PLCE1: variants seen among roughly 807,000 people sequenced by gnomAD.
The protein encoded by PLCE1 is phospholipase C epsilon 1.
PLCE1 carries 119 observed loss-of-function variants against 242.8 expected under a neutral mutation model. The ratio of observed to expected loss-of-function variants is 0.49; its 90% CI spans 0.42 to 0.57. PLCE1 has a LOEUF of 0.57. Among genes scored for constraint, PLCE1 ranks in the 20% least tolerant of loss-of-function variants. PLCE1 has a pLI of 0.00. For synonymous variants in PLCE1, 945 were observed against 1,017.4 expected (o/e 0.93, Z 1.35); for missense variants, 2,441 against 2,788.8 (o/e 0.88, Z 2.81).
At chr10:94,272,359 C>T (rs1011827168) in intron 18 of PLCE1, among the ~76,000 whole-genome samples, 28 of 152,204 alleles carry the variant, frequency 1.8e-4, no homozygotes, top group African/African-American at 4.8e-4. Flanking sequence ...AGGCTCTCTG[C>T]AACAAGAAAA....
At position 94,316,724 on chromosome 10, in the gene PLCE1, A is replaced by T; in HGVS notation, c.6310A>T (p.Met2104Leu). Residue 2104 changes from methionine (M) to leucine (L), a missense_variant, in exon 29 of 33, where the codon ATG (methionine) becomes TTG (leucine). This residue lies in a region of PLCE1 where 310 missense variants were observed against 317.2 expected (regional missense o/e 0.98). Transcript: ENST00000371380. ...CAGCTGGTTTCCAGAAGAGGGATAC[A>T]TGGGCAGGATTGTCTTAAAAACCCA... ...LSSWFPEEGY[M>L]GRIVLKTQQE... 6.2e-7 allele frequency: 1 copy of T among 1,614,016 alleles called. No individual in the cohort carries two copies. Among genetic ancestry groups the T allele is most frequent in the Non-Finnish European group, 8.5e-7 (1 of 1,179,894 alleles).
At chr10:94,315,145 T>A (rs1336304659) in intron 28 of PLCE1, 1 of 299,222 alleles carries the variant, frequency 3.3e-6, no homozygotes, top group Non-Finnish European at 6.6e-6. Flanking sequence ...CTATAGTATT[T>A]GCCTTGGCCC....
intron 3 of PLCE1, among the ~76,000 whole-genome samples, chr10:94,136,982 G>A (rs1316341346): frequency 6.6e-6 from 1 of 152,182 alleles, no homozygotes; most frequent in Non-Finnish European, 1.5e-5. Context: ...CATGAGGTCA[G>A]GAGATCAAGA....
At chr10:94,043,742 C>T (rs1286431256) in intron 2 of PLCE1, among the ~76,000 whole-genome samples, 2 of 152,034 alleles carry the variant, frequency 1.3e-5, no homozygotes, top group South Asian at 2.1e-4. Context: ...GGCTTCAGAC[C>T]CTGGTTGAAC....
At chr10:94,254,838 C>T in intron 10 of PLCE1, 55 bp from the exon 11 acceptor site, 1 of 1,593,256 alleles carries the variant, frequency 6.3e-7, no homozygotes, top group Non-Finnish European at 8.6e-7. Context: ...GTATTTGGTT[C>T]TGAGGGAAAG....
At chr10:94,018,743 G>A (rs977404342) in intron 1 of PLCE1, among the ~76,000 whole-genome samples, 1 of 152,118 alleles carries the variant, frequency 6.6e-6, no homozygotes, top group Non-Finnish European at 1.5e-5. Context: ...ATGATTTCCT[G>A]TAGGGAGGGA....
intron 3 of PLCE1, among the ~76,000 whole-genome samples, chr10:94,140,888 G>A (rs2046934471): frequency 6.6e-6 from 1 of 152,126 alleles, no homozygotes; most frequent in South Asian, 2.1e-4. Context: ...TGTAATATTG[G>A]GTGTGTTTCT....
In PLCE1 at chr10:94,265,692, T is replaced by A. The variant is rs752101948; in HGVS notation, c.4099T>A (p.Phe1367Ile). The change falls in exon 15 of 33, where the codon TTT (phenylalanine) becomes ATT (isoleucine). Residue 1367 changes from phenylalanine (F) to isoleucine (I), a missense_variant. By Grantham distance (21) the Phe-to-Ile change is conservative. Around this residue, in one of 5 missense-constraint regions of PLCE1, gnomAD observed 1,004 missense variants for 1,322.7 expected, o/e 0.76. Transcript: ENST00000371380. Reference sequence around the variant, plus strand: ...TATGTGTCATCAGGGACTAATGTCATTTGAAGGGTTTGCCAGGTAACTTTT... The same window carrying A: ...TATGTGTCATCAGGGACTAATGTCAATTGAAGGGTTTGCCAGGTAACTTTT... ...ISMCHQGLMS[F>I]EGFARFLMDK... 6.2e-7 allele frequency: 1 copy of A among 1,613,968 alleles called. No homozygotes were observed. Among genetic ancestry groups the A allele is most frequent in the South Asian group, 1.1e-5 (1 of 91,084 alleles).
At chr10:94,148,771 A>G (rs948457771) in intron 3 of PLCE1, among the ~76,000 whole-genome samples, 2 of 152,184 alleles carry the variant, frequency 1.3e-5, no homozygotes, top group African/African-American at 2.4e-5. Context: ...ACAGAAACAG[A>G]TATGTTCAGC....
intron 18 of PLCE1, among the ~76,000 whole-genome samples, chr10:94,271,063 T>C (rs1418863433): frequency 6.6e-6 from 1 of 152,000 alleles, no homozygotes; most frequent in Non-Finnish European, 1.5e-5. Flanking sequence ...ACCTGAGAAA[T>C]TGGGCTGTTC....
At chr10:94,126,033 GC>G (rs1301396371) in intron 2 of PLCE1, among the ~76,000 whole-genome samples, 4 of 152,038 alleles carry the variant, frequency 2.6e-5, no homozygotes, top group African/African-American at 7.3e-5. Context: ...TTTGTTTTGG[GC>G]CTAAACTCCA....
chr10:94,068,405 T>A (rs1170143492), intron 2 of PLCE1, among the ~76,000 whole-genome samples: 2 of 151,802 alleles, frequency 1.3e-5, no homozygotes, highest in African/African-American at 4.9e-5. Flanking sequence ...AATTCAACAA[T>A]AAATAATACA....
At chr10:94,166,239 C>G (rs990249752) in intron 3 of PLCE1, among the ~76,000 whole-genome samples, 1 of 152,148 alleles carries the variant, frequency 6.6e-6, no homozygotes, top group Admixed American at 6.6e-5. Flanking sequence ...AGTACATATA[C>G]ATTTACCTCA....
At chr10:94,135,719 TTAG>T in intron 3 of PLCE1, among the ~76,000 whole-genome samples, 1 of 152,182 alleles carries the variant, frequency 6.6e-6, no homozygotes, top group East Asian at 1.9e-4. Flanking sequence ...ATACTGAGCA[TTAG>T]CCTCAAAGAA....
chr10:94,218,699 G>C (rs575320007), intron 4 of PLCE1, among the ~76,000 whole-genome samples: 1 of 151,914 alleles, frequency 6.6e-6, no homozygotes, highest in East Asian at 1.9e-4. Context: ...AAATTCACAG[G>C]CATGCAGTAA....
intron 4 of PLCE1, among the ~76,000 whole-genome samples, chr10:94,196,595 G>T (rs2048830019): frequency 6.6e-6 from 1 of 151,942 alleles, no homozygotes; most frequent in African/African-American, 2.4e-5. Context: ...AAACCAGCCT[G>T]GGCTTTGCTG....
intron 4 of PLCE1, among the ~76,000 whole-genome samples, chr10:94,211,431 C>T (rs982377084): frequency 2.0e-5 from 3 of 152,196 alleles, no homozygotes; most frequent in Non-Finnish European, 2.9e-5. Context: ...TTGCAAGTCA[C>T]CTAACATCTC....
intron 1 of PLCE1, among the ~76,000 whole-genome samples, chr10:94,006,725 A>T (rs778376039): frequency 3.9e-5 from 6 of 152,214 alleles, no homozygotes; most frequent in Non-Finnish European, 5.9e-5. Flanking sequence ...TTTATCAGAT[A>T]CTTGGAGAAG....
chr10:94,204,540 C>T (rs532067690), intron 4 of PLCE1, among the ~76,000 whole-genome samples: 4 of 152,022 alleles, frequency 2.6e-5, no homozygotes, highest in Admixed American at 6.6e-5. Flanking sequence ...TGGTGGCAGG[C>T]GCCTGTAATC....
Sources: gnomAD v4.1 joint callset for allele counts (sites outside exome capture counted in the v4.1 genomes callset) on GRCh38, gnomAD v4.1.1 for gene constraint, gnomAD v4.1.1 regional missense constraint, MANE v1.5 for transcripts, NCBI Gene and HGNC (gene_info 2026-07-23, HGNC 2026-07-21) for gene names.